Variants in GRIA1 observed in about 807,000 individuals in gnomAD.
The protein encoded by GRIA1 is glutamate receptor 1.
Under a neutral mutation model 99.2 loss-of-function variants are expected in GRIA1, and 31 were observed. The ratio of observed to expected loss-of-function variants is 0.31; its 90% CI spans 0.23 to 0.42. The LOEUF (loss-of-function observed/expected upper bound fraction) is 0.42. Among genes scored for constraint, GRIA1 ranks in the 10% least tolerant of loss-of-function variants. The pLI, the probability that GRIA1 is intolerant of heterozygous loss-of-function variation, is 1.00. For synonymous variants in GRIA1, 438 were observed against 432.4 expected (o/e 1.01, Z -0.16); for missense variants, 782 against 1,157.5 (o/e 0.68, Z 4.71).
Position 153,807,004 on chromosome 5 carries a change from G to C in GRIA1, c.2521-4021G>C, listed in dbSNP as rs555768436. Among the ~76,000 whole-genome samples the C allele has an allele frequency of 3.9e-5, 6 of 152,286 alleles. No homozygotes were observed. In the East Asian group the frequency reaches 1.2e-3, roughly 29 times the overall value. ...TGTCCTCCTTCAACCACATGGCAAC[G>C]GATCATTTTTGAGCACCTATTCTCT... is the stretch of plus-strand genomic sequence containing the variant. On this transcript the variant is annotated intron_variant, in intron 15 of 15. Coordinates refer to ENST00000285900, the MANE Select transcript of GRIA1 (RefSeq NM_000827.4).
At chr5:153,528,674 C>T (rs984767692) in intron 2 of GRIA1, among the ~76,000 whole-genome samples, 2 of 152,194 alleles carry the variant, frequency 1.3e-5, no homozygotes, top group African/African-American at 4.8e-5. Flanking sequence ...CCTGTGGTTC[C>T]TGACTGTTGT....
At chr5:153,785,046 C>T (rs530307208) in intron 13 of GRIA1, among the ~76,000 whole-genome samples, 2 of 152,212 alleles carry the variant, frequency 1.3e-5, no homozygotes, top group Admixed American at 1.3e-4. Flanking sequence ...TCTGTCATCC[C>T]CTCGAAATGG....
chr5:153,759,269 C>T (rs1229312102), intron 11 of GRIA1, among the ~76,000 whole-genome samples: 1 of 150,770 alleles, frequency 6.6e-6, no homozygotes, highest in Non-Finnish European at 1.5e-5. Context: ...AACACAAAAG[C>T]TCAAAAAGAG....
chr5:153,802,957 G>A (rs1766153627), intron 15 of GRIA1, among the ~76,000 whole-genome samples: 2 of 152,190 alleles, frequency 1.3e-5, no homozygotes, highest in Non-Finnish European at 2.9e-5. Context: ...AGAGGACCAT[G>A]TGCAGAGAAA....
chr5:153,644,444 C>A (rs529494330), intron 2 of GRIA1, among the ~76,000 whole-genome samples: 1 of 152,206 alleles, frequency 6.6e-6, no homozygotes, highest in South Asian at 2.1e-4. Context: ...TCCTCCTCAG[C>A]CCCTGCTGCA....
chr5:153,509,840 T>C (rs752365027), intron 2 of GRIA1, among the ~76,000 whole-genome samples: 1 of 152,224 alleles, frequency 6.6e-6, no homozygotes, highest in African/African-American at 2.4e-5. Context: ...TATTATTGTT[T>C]GTTCAATTTA....
At chr5:153,537,298 C>T (rs1166939702) in intron 2 of GRIA1, among the ~76,000 whole-genome samples, 1 of 152,222 alleles carries the variant, frequency 6.6e-6, no homozygotes, top group Non-Finnish European at 1.5e-5. Flanking sequence ...CTGCAGCAGC[C>T]TGGAGACCAG....
At chr5:153,618,325 TAC>T (rs1365096000) in intron 2 of GRIA1, among the ~76,000 whole-genome samples, 2 of 152,216 alleles carry the variant, frequency 1.3e-5, no homozygotes, top group Non-Finnish European at 2.9e-5. Flanking sequence ...ACTGTCTAAA[TAC>T]AGAATAAAGT....
intron 4 of GRIA1, among the ~76,000 whole-genome samples, chr5:153,650,922 T>C (rs1362125009): frequency 2.9e-5 from 2 of 69,214 alleles, no homozygotes; most frequent in Non-Finnish European, 4.2e-5. Context: ...AAAAAAAAAA[T>C]TAGCTTGGTG....
chr5:153,762,542 C>T (rs1763254450), intron 11 of GRIA1, among the ~76,000 whole-genome samples: 1 of 152,182 alleles, frequency 6.6e-6, no homozygotes, highest in Non-Finnish European at 1.5e-5. Context: ...AACTATCTTG[C>T]TTGACTGCTT....
At chr5:153,797,724 AG>A (rs1490615428) in intron 14 of GRIA1, among the ~76,000 whole-genome samples, 1 of 152,174 alleles carries the variant, frequency 6.6e-6, no homozygotes, top group African/African-American at 2.4e-5. Context: ...TGCATTGTAC[AG>A]CAGCCGGTCC....
chr5:153,593,038 G>T (rs1764109648), intron 2 of GRIA1, among the ~76,000 whole-genome samples: 2 of 152,174 alleles, frequency 1.3e-5, no homozygotes, highest in Admixed American at 1.3e-4. Context: ...GGCCGAGGTG[G>T]GTGGATTGCT....
intron 2 of GRIA1, among the ~76,000 whole-genome samples, chr5:153,514,802 T>C (rs1270062035): frequency 2.0e-5 from 3 of 152,246 alleles, no homozygotes; most frequent in African/African-American, 7.2e-5. Context: ...AAGACTTGAA[T>C]GGACATTCCT....
chr5:153,498,860 C>G (rs1754693576), intron 2 of GRIA1, among the ~76,000 whole-genome samples: 1 of 152,142 alleles, frequency 6.6e-6, no homozygotes, highest in Non-Finnish European at 1.5e-5. Flanking sequence ...GTTTCCATTA[C>G]TTCCTGTTTG....
At chr5:153,807,086 C>T (rs968220325) in intron 15 of GRIA1, among the ~76,000 whole-genome samples, 1 of 152,220 alleles carries the variant, frequency 6.6e-6, no homozygotes, top group South Asian at 2.1e-4. Context: ...TGTAGCTCTA[C>T]CCTTCAGTTC....
chr5:153,497,206 G>A lies in GRIA1; in HGVS notation c.220+3141G>A, dbSNP rs138491803. Reference sequence around the variant, plus strand: ...TTGAATCAGCAACCCAATGCCTTGGGATCTCCTTTAAGCACTTTTCCAAGC... The same window carrying A: ...TTGAATCAGCAACCCAATGCCTTGGAATCTCCTTTAAGCACTTTTCCAAGC... On this transcript the variant is annotated intron_variant, in intron 2 of 15. Coordinates refer to ENST00000285900, the MANE Select transcript of GRIA1 (RefSeq NM_000827.4). 7.8e-3 allele frequency among the ~76,000 whole-genome samples: 1,193 copies of A among 152,236 alleles called. 9 individuals are homozygous for A. The highest frequency in any genetic ancestry group is 0.013 in the Non-Finnish European group (886 of 68,024).
At chr5:153,659,464 C>T (rs763704669) in intron 5 of GRIA1, among the ~76,000 whole-genome samples, 4 of 152,192 alleles carry the variant, frequency 2.6e-5, no homozygotes, top group East Asian at 1.9e-4. Context: ...CAAACCCTAA[C>T]ACTGACTGTG....
At chr5:153,655,757 G>A in intron 4 of GRIA1, 62 bp from the exon 5 acceptor site, 3 of 1,405,096 alleles carry the variant, frequency 2.1e-6, no homozygotes, top group Non-Finnish European at 3.0e-6. Flanking sequence ...CGTTATTACT[G>A]TTGTTGTCGT....
intron 7 of GRIA1, among the ~76,000 whole-genome samples, chr5:153,685,140 T>C (rs1757252726): frequency 6.6e-6 from 1 of 152,180 alleles, no homozygotes; most frequent in Non-Finnish European, 1.5e-5. Context: ...AGGGTTGGAT[T>C]TGTATTTGTA....
Sources: allele counts gnomAD v4.1 joint callset (sites outside exome capture counted in the v4.1 genomes callset), GRCh38; gene constraint gnomAD v4.1.1; transcripts MANE v1.5; gene names NCBI Gene and HGNC (gene_info 2026-07-23, HGNC 2026-07-21).